Variants in NPAS3 observed in about 807,000 individuals in gnomAD.
NPAS3 encodes the protein neuronal PAS domain protein 3.
A neutral mutation model predicts 73.1 loss-of-function variants in NPAS3; 14 were observed. That is an observed-to-expected ratio of 0.19 (90% CI 0.13 to 0.30). The LOEUF is 0.30. Ranked by LOEUF, NPAS3 falls within the 10% of genes least tolerant of loss-of-function variation. The pLI, the probability that NPAS3 is intolerant of heterozygous loss-of-function variation, is 1.00. For synonymous variants in NPAS3, 620 were observed against 541.5 expected (o/e 1.14, Z -2.01); for missense variants, 1,096 against 1,250.0 (o/e 0.88, Z 1.86).
At chr14:33,109,394 T>C (rs1459301688) in intron 2 of NPAS3, among the ~76,000 whole-genome samples, 2 of 152,172 alleles carry the variant, frequency 1.3e-5, no homozygotes, top group Non-Finnish European at 2.9e-5. Context: ...TGTATAACCC[T>C]AGCTCAATGC....
chr14:33,631,323 A>T (rs1450677872), intron 5 of NPAS3, among the ~76,000 whole-genome samples: 16 of 152,240 alleles, frequency 1.1e-4, no homozygotes, highest in Admixed American at 1.0e-3. Context: ...AAATAATTTT[A>T]TCCTAGTTTG....
At position 33,544,842 on chromosome 14, in the gene NPAS3, T is replaced by TTA. The variant is rs61447169; in HGVS notation, c.469-15271_469-15270dup. On this transcript the variant is annotated intron_variant, in intron 4 of 11. Coordinates refer to ENST00000356141, the Ensembl canonical transcript of NPAS3. ...TATAATATATATGTGTATATATATATTATATATATGTGTATATATAATATA... is the reference window on the plus strand; with the variant it reads ...TATAATATATATGTGTATATATATATTATATATATATGTGTATATATAATATA... Among the ~76,000 whole-genome samples, 17 of 123,694 alleles carry TTA rather than the reference T, an allele frequency of 1.4e-4. 1 individual carries two copies. The highest frequency in any genetic ancestry group is 4.8e-4 in the South Asian group (2 of 4,166). 81.1% of individuals were successfully genotyped at this position (123,694 alleles called of 152,430 possible).
rs186879220 is a variant in NPAS3 at position 33,435,017 on chromosome 14, G to A, written c.468+67749G>A. On this transcript the variant is annotated intron_variant, in intron 4 of 11. Transcript: ENST00000356141. ...AGGTCAAAAATATTGGGAGGGAATA[G>A]ACTCACCTGCAGATTGGAGATGTTT... Among the ~76,000 whole-genome samples, 45 of 152,316 alleles carry A rather than the reference G, an allele frequency of 3.0e-4. No homozygotes were observed. In the East Asian group the frequency reaches 5.4e-3, roughly 18 times the overall value.
intron 3 of NPAS3, among the ~76,000 whole-genome samples, chr14:33,312,294 G>A (rs2043034183): frequency 6.6e-6 from 1 of 151,996 alleles, no homozygotes; most frequent in Non-Finnish European, 1.5e-5. Context: ...GACTTGTAAA[G>A]ATGTATTTCT....
chr14:33,048,797 G>T (rs2040601466), intron 1 of NPAS3, among the ~76,000 whole-genome samples: 1 of 152,206 alleles, frequency 6.6e-6, no homozygotes, highest in African/African-American at 2.4e-5. Flanking sequence ...TGAGAGGTTT[G>T]ACAATATGGT....
chr14:33,370,036 T>G (rs1401796297), intron 4 of NPAS3, among the ~76,000 whole-genome samples: 1 of 152,170 alleles, frequency 6.6e-6, no homozygotes, highest in Non-Finnish European at 1.5e-5. Context: ...TAAAAACCTG[T>G]GTGGTCAGCA....
chr14:33,294,514 T>C (rs1327146812), intron 3 of NPAS3, among the ~76,000 whole-genome samples: 1 of 152,156 alleles, frequency 6.6e-6, no homozygotes, highest in Non-Finnish European at 1.5e-5. Flanking sequence ...CAGCTGTTAG[T>C]GTGATGCATT....
chr14:33,638,716 C>T (rs1403302933), intron 5 of NPAS3, among the ~76,000 whole-genome samples: 2 of 152,104 alleles, frequency 1.3e-5, no homozygotes, highest in African/African-American at 4.8e-5. Context: ...TGTCCAGCCT[C>T]AAATGAGGAA....
chr14:33,780,293 GA>G (rs944104251), intron 9 of NPAS3, among the ~76,000 whole-genome samples: 2 of 152,132 alleles, frequency 1.3e-5, no homozygotes, highest in South Asian at 2.1e-4. Flanking sequence ...ATTAATTGGG[GA>G]AAAAAATGAT....
At chr14:32,973,762 C>T (rs1181474884) in intron 1 of NPAS3, among the ~76,000 whole-genome samples, 3 of 151,988 alleles carry the variant, frequency 2.0e-5, no homozygotes, top group African/African-American at 4.8e-5. Context: ...GTCTCAAACT[C>T]CTGAGCTCAA....
intron 3 of NPAS3, among the ~76,000 whole-genome samples, chr14:33,366,841 T>TCAATAC (rs2045867016): frequency 6.6e-6 from 1 of 152,136 alleles, no homozygotes; most frequent in African/African-American, 2.4e-5. Flanking sequence ...CTTAAAAAAA[T>TCAATAC]CAATACCTTA....
chr14:33,167,226 A>T (rs919249265), intron 2 of NPAS3, among the ~76,000 whole-genome samples: 3 of 152,176 alleles, frequency 2.0e-5, no homozygotes, highest in Admixed American at 2.0e-4. Context: ...ACAGATTTTT[A>T]GCAGAGGGGC....
intron 2 of NPAS3, among the ~76,000 whole-genome samples, chr14:33,168,698 A>G (rs1168933443): frequency 6.6e-6 from 1 of 152,078 alleles, no homozygotes; most frequent in African/African-American, 2.4e-5. Flanking sequence ...CCTTCATTTC[A>G]GTCTCTACTA....
rs906928478 is a variant in NPAS3, at chr14:32,988,923, T to C, written c.50+49557T>C. ...CATCTAGTCACTCAGTGCGTATTTATTGAGTACCACTATACCACAGCCACT... is the reference window on the plus strand; with the variant it reads ...CATCTAGTCACTCAGTGCGTATTTACTGAGTACCACTATACCACAGCCACT... On this transcript the variant is annotated intron_variant, in intron 1 of 11. Coordinates refer to ENST00000356141, the Ensembl canonical transcript of NPAS3. Among the ~76,000 whole-genome samples, 30 of 152,206 alleles carry C rather than the reference T, an allele frequency of 2.0e-4. 1 individual carries two copies. Among genetic ancestry groups the C allele is most frequent in the Admixed American group, 1.4e-3 (22 of 15,274 alleles).
chr14:33,682,581 C>T (rs1299984877), intron 6 of NPAS3, among the ~76,000 whole-genome samples: 2 of 152,176 alleles, frequency 1.3e-5, no homozygotes, highest in Non-Finnish European at 2.9e-5. Context: ...TACCTTGATG[C>T]AGTACCATTT....
At chr14:33,488,900 A>G (rs2051749889) in intron 4 of NPAS3, among the ~76,000 whole-genome samples, 1 of 152,210 alleles carries the variant, frequency 6.6e-6, no homozygotes, top group South Asian at 2.1e-4. Flanking sequence ...CAGCATGTGC[A>G]GGAAGTGTGA....
intron 1 of NPAS3, among the ~76,000 whole-genome samples, chr14:32,997,243 T>A (rs903654007): frequency 1.3e-4 from 20 of 152,230 alleles, no homozygotes; most frequent in Non-Finnish European, 2.4e-4. Flanking sequence ...AGGAAGTAAC[T>A]AACTTGCTTT....
At chr14:33,112,723 A>T (rs894464415) in intron 2 of NPAS3, among the ~76,000 whole-genome samples, 34 of 152,128 alleles carry the variant, frequency 2.2e-4, no homozygotes, top group Non-Finnish European at 2.9e-5. Context: ...TTAGTGTTTT[A>T]GACATGAAGT....
At chr14:33,314,975 G>A (rs1404479846) in intron 3 of NPAS3, among the ~76,000 whole-genome samples, 1 of 152,114 alleles carries the variant, frequency 6.6e-6, no homozygotes, top group East Asian at 1.9e-4. Flanking sequence ...GTAGCAAACA[G>A]TATTCAGTGA....
Sources: gnomAD v4.1 joint callset for allele counts (sites outside exome capture counted in the v4.1 genomes callset) on GRCh38, gnomAD v4.1.1 for gene constraint, MANE v1.5 for transcripts, NCBI Gene and HGNC (gene_info 2026-07-23, HGNC 2026-07-21) for gene names.